Variants in NDUFAF6 observed in about 807,000 individuals in gnomAD.
NDUFAF6 encodes the protein NADH:ubiquinone oxidoreductase complex assembly factor 6.
A neutral mutation model predicts 40.8 loss-of-function variants in NDUFAF6; 45 were observed. The observed-to-expected ratio is 1.10, with a 90% CI of 0.87 to 1.42. The LOEUF (loss-of-function observed/expected upper bound fraction) is 1.42. Ranked by LOEUF, NDUFAF6 falls within the 40% of genes most tolerant of loss-of-function variation. NDUFAF6 has a pLI of 0.00. For synonymous variants in NDUFAF6, 185 were observed against 155.9 expected, an observed-to-expected ratio of 1.19 and a Z score of -1.39; for missense variants, 435 against 418.5, an observed-to-expected ratio of 1.04 and a Z score of -0.34.
chr8:95,030,567 G>T (rs1278410426), intron 1 of NDUFAF6, among the ~76,000 whole-genome samples: 3 of 152,102 alleles, frequency 2.0e-5, no homozygotes. Context: ...AATTGCTGTG[G>T]ACTTGGCCAG....
intron 1 of NDUFAF6, among the ~76,000 whole-genome samples, chr8:94,896,163 A>G (rs1021380831): frequency 6.6e-6 from 1 of 151,804 alleles, no homozygotes; most frequent in African/African-American, 2.4e-5. Flanking sequence ...GGGGCCCGGG[A>G]ACGGCATTCC....
intron 2 of NDUFAF6, among the ~76,000 whole-genome samples, chr8:95,102,795 C>T (rs1332539672): frequency 6.6e-6 from 1 of 152,134 alleles, no homozygotes; most frequent in Non-Finnish European, 1.5e-5. Context: ...AACTGTATGT[C>T]TTCTGCAGTG....
intron 2 of NDUFAF6, among the ~76,000 whole-genome samples, chr8:94,948,283 T>C (rs896854): frequency 0.46 from 70,047 of 152,062 alleles, 17,112 homozygotes; most frequent in East Asian, 0.72. Flanking sequence ...ACTTAATCTC[T>C]CTGTGCCTCG....
chr8:94,930,818 C>A, intron 1 of NDUFAF6: 1 of 1,420,372 alleles, frequency 7.0e-7, no homozygotes. Context: ...ATTTGCCACG[C>A]TAATTTGTTT....
At chr8:94,903,417 A>G (rs1373917468) in intron 1 of NDUFAF6, among the ~76,000 whole-genome samples, 2 of 152,220 alleles carry the variant, frequency 1.3e-5, no homozygotes, top group Admixed American at 6.5e-5. Flanking sequence ...AAGTACAGCC[A>G]TGTGTATCAA....
At chr8:95,047,508 C>CTTT (rs373655223) in intron 6 of NDUFAF6, among the ~76,000 whole-genome samples, 8 of 126,414 alleles carry the variant, frequency 6.3e-5, no homozygotes, top group Admixed American at 8.2e-5. Context: ...CTTTTCTTTT[C>CTTT]TTTTTTTTTT....
intron 1 of NDUFAF6, among the ~76,000 whole-genome samples, chr8:95,027,458 T>G (rs892788728): frequency 2.0e-5 from 3 of 151,824 alleles, no homozygotes; most frequent in African/African-American, 7.2e-5. Context: ...TAAGCACCTG[T>G]AGTCCCAGCT....
At chr8:95,031,342 A>G (rs1356412090) in intron 1 of NDUFAF6, among the ~76,000 whole-genome samples, 1 of 152,174 alleles carries the variant, frequency 6.6e-6, no homozygotes, top group Non-Finnish European at 1.5e-5. Flanking sequence ...GCCTTTCTGT[A>G]TATCTGTCTA....
intron 9 of NDUFAF6, among the ~76,000 whole-genome samples, chr8:95,069,657 A>C (rs1054826820): frequency 1.3e-5 from 2 of 150,712 alleles, no homozygotes; most frequent in Non-Finnish European, 2.9e-5. Flanking sequence ...ATGGGCGCCT[A>C]TAATCCCAGC....
intron 1 of NDUFAF6, among the ~76,000 whole-genome samples, chr8:94,910,605 G>A (rs1487076545): frequency 6.6e-6 from 1 of 152,222 alleles, no homozygotes; most frequent in Non-Finnish European, 1.5e-5. Flanking sequence ...CAGTGGGAAT[G>A]ACTTTACTAG....
intron 1 of NDUFAF6, among the ~76,000 whole-genome samples, chr8:94,966,963 G>A (rs527654688): frequency 1.3e-5 from 2 of 152,188 alleles, no homozygotes; most frequent in African/African-American, 4.8e-5. Flanking sequence ...TGGAAATGCA[G>A]TTCTTAGCTA....
At chr8:94,941,215 C>A in intron 1 of NDUFAF6, 1 of 296,910 alleles carries the variant, frequency 3.4e-6, no homozygotes, top group Non-Finnish European at 6.2e-6. Flanking sequence ...TACAGCTATT[C>A]CCTTTCTGCA....
intron 2 of NDUFAF6, among the ~76,000 whole-genome samples, chr8:95,019,215 T>A (rs1482369983): frequency 6.6e-6 from 1 of 152,226 alleles, no homozygotes; most frequent in East Asian, 1.9e-4. Context: ...TTTGCCATGT[T>A]GGCCAGGCTG....
At chr8:95,021,583 C>T (rs752530914), upstream of NDUFAF6, among the ~76,000 whole-genome samples, 1 of 152,198 alleles carries the variant, frequency 6.6e-6, no homozygotes, top group Non-Finnish European at 1.5e-5. Context: ...GTGCATAGAA[C>T]AGCTCCTCAC....
At chr8:95,020,862 C>CT (rs932815278), upstream of NDUFAF6, among the ~76,000 whole-genome samples, 1 of 152,064 alleles carries the variant, frequency 6.6e-6, no homozygotes, top group Non-Finnish European at 1.5e-5. Flanking sequence ...GGGAACAACT[C>CT]TTTTTTTCTT....
intron 1 of NDUFAF6, among the ~76,000 whole-genome samples, chr8:94,972,239 A>G (rs1268290895): frequency 6.6e-6 from 1 of 151,954 alleles, no homozygotes; most frequent in African/African-American, 2.4e-5. Context: ...TAGATACAAC[A>G]TGATTTTTTT....
At chr8:95,040,322 T>C (rs894676234) in intron 3 of NDUFAF6, among the ~76,000 whole-genome samples, 1 of 152,240 alleles carries the variant, frequency 6.6e-6, no homozygotes, top group Admixed American at 6.5e-5. Flanking sequence ...TTCGTCTACC[T>C]GTCCTTTATG....
At chr8:95,044,224 G>T (rs543660623) in intron 4 of NDUFAF6, among the ~76,000 whole-genome samples, 5 of 152,110 alleles carry the variant, frequency 3.3e-5, no homozygotes, top group Admixed American at 2.0e-4. Context: ...GGGCTGAGGA[G>T]GGGGGGAAAT....
intron 1 of NDUFAF6, among the ~76,000 whole-genome samples, chr8:94,964,428 CAA>C (rs71569104): frequency 3.9e-4 from 27 of 68,942 alleles, no homozygotes; most frequent in Admixed American, 4.9e-4. Context: ...GACCCTGTCT[CAA>C]AAAAAAAAAA....
Sources: gnomAD v4.1 joint callset for allele counts (sites outside exome capture counted in the v4.1 genomes callset) on GRCh38, gnomAD v4.1.1 for gene constraint, MANE v1.5 for transcripts, NCBI Gene and HGNC (gene_info 2026-07-23, HGNC 2026-07-21) for gene names.